Variants in TMEM229B observed in about 807,000 individuals in gnomAD.
TMEM229B encodes the protein transmembrane protein 229B.
In TMEM229B, 6 loss-of-function variants were observed where a neutral mutation model predicts 13.7. The ratio of observed to expected loss-of-function variants is 0.44; its 90% CI spans 0.24 to 0.86. The LOEUF is 0.86. TMEM229B is among the 40% of genes least tolerant of loss of function. TMEM229B has a pLI of 0.23. For missense variants in TMEM229B, 170 were observed against 236.0 expected (o/e 0.72, Z 1.83); for synonymous variants, 107 against 102.1 (o/e 1.05, Z -0.29).
At chr14:67,486,644 T>C (rs2031898953) in intron 2 of TMEM229B, among the ~76,000 whole-genome samples, 1 of 152,158 alleles carries the variant, frequency 6.6e-6, no homozygotes, top group Non-Finnish European at 1.5e-5. Context: ...CCTTGTAATA[T>C]GTGACTTGCT....
chr14:67,479,826 C>T (rs116166887), intron 2 of TMEM229B, among the ~76,000 whole-genome samples: 199 of 152,296 alleles, frequency 1.3e-3, no homozygotes, highest in African/African-American at 4.5e-3. Flanking sequence ...CCAAAGAAAC[C>T]TGAAGTCATG....
rs546350144 is a variant in TMEM229B at position 67,505,724 on chromosome 14, T to C, written c.-192+9362A>G. 7.2e-5 allele frequency among the ~76,000 whole-genome samples: 11 copies of C among 152,086 alleles called. No individual in the cohort carries two copies. The South Asian group carries it at 2.3e-3, about 32-fold the overall frequency. ...GATAATTTGCTCTTTTTTTTTTTTTTTAAACAGATTCTTGCTCTGTTGCCC... is the reference window on the plus strand; with the variant it reads ...GATAATTTGCTCTTTTTTTTTTTTTCTAAACAGATTCTTGCTCTGTTGCCC... On this transcript the variant is annotated intron_variant, in intron 1 of 2. Coordinates refer to the TMEM229B transcript ENST00000357461.
At chr14:67,496,796 T>TGC (rs1321901231) in intron 1 of TMEM229B, among the ~76,000 whole-genome samples, 29 of 72,878 alleles carry the variant, frequency 4.0e-4, no homozygotes, top group African/African-American at 4.7e-4. Flanking sequence ...CTGTCTTTCT[T>TGC]TCTTGCTTGC....
Position 67,476,740 on chromosome 14 carries a change from A to G in TMEM229B, c.-18-2799T>C, listed in dbSNP as rs141820218. Among the ~76,000 whole-genome samples the G allele has an allele frequency of 1.1e-3, 171 of 152,294 alleles. 2 individuals are homozygous for G. The East Asian group carries it at 0.019, about 17-fold the overall frequency. ...AATGGAAGAGCTGAGATTAGAACCA[A>G]TATCTCTTGCTTTCTACTGCAGAAC... On this transcript the variant is annotated intron_variant, in intron 2 of 2. Transcript: ENST00000554480.
At chr14:67,481,632 CA>C (rs1442697739) in intron 2 of TMEM229B, among the ~76,000 whole-genome samples, 1 of 152,182 alleles carries the variant, frequency 6.6e-6, no homozygotes, top group Non-Finnish European at 1.5e-5. Flanking sequence ...TTCAGAACCC[CA>C]CTCTCCAAAC....
chr14:67,508,292 G>T (rs2032900763), intron 1 of TMEM229B, among the ~76,000 whole-genome samples: 1 of 152,068 alleles, frequency 6.6e-6, no homozygotes, highest in Non-Finnish European at 1.5e-5. Context: ...TTCCAGACCA[G>T]CTGAGTTATT....
Position 67,485,537 on chromosome 14 carries a change from C to G in TMEM229B, c.-19+1463G>C, listed in dbSNP as rs185388037. On this transcript the variant is annotated intron_variant, in intron 2 of 2. Transcript: ENST00000554480. ...GGGTTCCCATGGACCAGCCTAGGAA[C>G]TCCAAAAAAAGCTTGTCTGTTCAAG... 2.5e-3 allele frequency among the ~76,000 whole-genome samples: 380 copies of G among 152,288 alleles called. 2 individuals are homozygous for G. Among genetic ancestry groups the G allele is most frequent in the Non-Finnish European group, 4.0e-3 (271 of 68,014 alleles).
chr14:67,506,678 G>A (rs1327267316), intron 1 of TMEM229B, among the ~76,000 whole-genome samples: 3 of 152,268 alleles, frequency 2.0e-5, no homozygotes, highest in African/African-American at 4.8e-5. Flanking sequence ...AAGAATCCAA[G>A]GGTCCTTAGA....
chr14:67,505,668 G>T (rs1051277219), intron 1 of TMEM229B, among the ~76,000 whole-genome samples: 1 of 152,048 alleles, frequency 6.6e-6, no homozygotes, highest in African/African-American at 2.4e-5. Flanking sequence ...GATTTCAGGG[G>T]CTGAGGAAGG....
At chr14:67,504,009 T>A (rs1189483424) in intron 1 of TMEM229B, among the ~76,000 whole-genome samples, 1 of 140,854 alleles carries the variant, frequency 7.1e-6, no homozygotes, top group African/African-American at 2.7e-5. Context: ...GCCTATTTTT[T>A]AATTTTTATT....
intron 1 of TMEM229B, among the ~76,000 whole-genome samples, chr14:67,529,197 G>A (rs115282242): frequency 0.018 from 2,721 of 152,004 alleles, 90 homozygotes; most frequent in African/African-American, 0.063. Context: ...ATTTACAAAC[G>A]AGGAACACCT....
intron 2 of TMEM229B, among the ~76,000 whole-genome samples, chr14:67,480,999 T>C (rs1035188870): frequency 5.9e-5 from 9 of 152,052 alleles, no homozygotes; most frequent in Admixed American, 5.2e-4. Context: ...AGACAGGAAG[T>C]TGCTGAACAG....
intron 1 of TMEM229B, among the ~76,000 whole-genome samples, chr14:67,529,495 G>T (rs1490774136): frequency 6.6e-6 from 1 of 152,128 alleles, no homozygotes; most frequent in Non-Finnish European, 1.5e-5. Flanking sequence ...TGAAAGAAGA[G>T]TCCATACTTA....
chr14:67,480,650 C>A (rs902943326), intron 2 of TMEM229B, among the ~76,000 whole-genome samples: 18 of 152,160 alleles, frequency 1.2e-4, no homozygotes, highest in African/African-American at 3.9e-4. Flanking sequence ...ACTCAGGCCC[C>A]ATGACCTGCA....
At chr14:67,517,978 T>C (rs61988217), upstream of TMEM229B, among the ~76,000 whole-genome samples, 19,778 of 152,172 alleles carry the variant, frequency 0.13, 1,715 homozygotes, top group Non-Finnish European at 0.2. Flanking sequence ...TAAAATAGCA[T>C]CTGTAACAGT....
At chr14:67,532,050 T>C (rs923745129) in intron 1 of TMEM229B, among the ~76,000 whole-genome samples, 1 of 152,160 alleles carries the variant, frequency 6.6e-6, no homozygotes, top group Non-Finnish European at 1.5e-5. Flanking sequence ...AAAATGGGGC[T>C]AATCTATCCC....
intron 1 of TMEM229B, among the ~76,000 whole-genome samples, chr14:67,529,654 C>A (rs998964386): frequency 6.6e-6 from 1 of 152,178 alleles, no homozygotes; most frequent in Non-Finnish European, 1.5e-5. Context: ...GCCTTCCTAG[C>A]CCCACTTAGA....
At chr14:67,509,013 C>A (rs2032936853) in intron 1 of TMEM229B, among the ~76,000 whole-genome samples, 1 of 151,964 alleles carries the variant, frequency 6.6e-6, no homozygotes, top group Admixed American at 6.6e-5. Flanking sequence ...GGATTGGGGT[C>A]AAGAATCTGC....
chr14:67,497,628 A>T (rs1401362371), intron 1 of TMEM229B, among the ~76,000 whole-genome samples: 1 of 152,196 alleles, frequency 6.6e-6, no homozygotes, highest in Non-Finnish European at 1.5e-5. Flanking sequence ...TTTCTAAAAT[A>T]AACACAGGCG....
Sources: allele counts gnomAD v4.1 joint callset (sites outside exome capture counted in the v4.1 genomes callset), GRCh38; gene constraint gnomAD v4.1.1; transcripts MANE v1.5; gene names NCBI Gene and HGNC (gene_info 2026-07-23, HGNC 2026-07-21).